The following RANBP2 variants were observed in gnomAD, a reference collection of about 807,000 sequenced individuals.
RANBP2 encodes RAN binding protein 2, also known as E3 SUMO-protein ligase RanBP2.
A neutral mutation model predicts 303.6 loss-of-function variants in RANBP2; 57 were observed. The ratio of observed to expected loss-of-function variants is 0.19; its 90% CI spans 0.15 to 0.23. The LOEUF (loss-of-function observed/expected upper bound fraction) is 0.23. Among genes scored for constraint, RANBP2 ranks in the 10% least tolerant of loss-of-function variants. RANBP2 has a pLI of 1.00. For synonymous variants in RANBP2, 1,167 were observed against 1,301.5 expected (o/e 0.90, Z 2.23); for missense variants, 3,138 against 3,780.8 (o/e 0.83, Z 4.46).
At chr2:109,354,157 C>T in the RANBP2 span, among the ~76,000 whole-genome samples, 7 of 151,776 alleles carry the variant, frequency 4.6e-5, no homozygotes, top group African/African-American at 1.7e-4. Context: ...TGAACTATTC[C>T]CTTTTTAATT....
In RANBP2 at chr2:108,765,298, G is replaced by T. The variant is rs1269623008; in HGVS notation, c.4759G>T (p.Gly1587Cys). The T allele has an allele frequency of 1.2e-6, 2 of 1,614,036 alleles. No individual in the cohort carries two copies. The highest frequency in any genetic ancestry group is 3.3e-5 in the Admixed American group (2 of 60,012). ...SVPAPASFKF[G>C]TSETSKAPKS... ...TCCAGCTCCTGCCTCTTTTAAGTTT[G>T]GTACTTCAGAGACAAGCAAGGCTCC... Residue 1587 changes from glycine to cysteine, a missense_variant, in exon 20 of 29, where the codon GGT becomes TGT. Gly to Cys is a radical substitution (Grantham distance 159, BLOSUM62 -3). Coordinates refer to ENST00000283195, the MANE Select transcript of RANBP2 (RefSeq NM_006267.5).
chr2:108,748,849 A>T, intron 8 of RANBP2, 71 bp from the exon 9 acceptor site: 1 of 1,611,618 alleles, frequency 6.2e-7, no homozygotes, highest in Non-Finnish European at 8.5e-7. Context: ...TTGGGTATAC[A>T]AATGAGACAA....
chr2:109,433,873 TC>T, the RANBP2 span, among the ~76,000 whole-genome samples: 1 of 152,190 alleles, frequency 6.6e-6, no homozygotes, highest in Admixed American at 6.5e-5. Context: ...CAGAGGGGCT[TC>T]AGGAAATGCA....
chr2:109,710,506 TAC>T, the RANBP2 span, among the ~76,000 whole-genome samples: 1 of 152,282 alleles, frequency 6.6e-6, no homozygotes, highest in Admixed American at 6.5e-5. Flanking sequence ...CTCAAAAGTA[TAC>T]CTGGGCCAAG....
the RANBP2 span, among the ~76,000 whole-genome samples, chr2:109,525,770 T>C: frequency 6.6e-6 from 1 of 152,170 alleles, no homozygotes; most frequent in South Asian, 2.1e-4. Flanking sequence ...CCCTAAATCA[T>C]TGATGCGTTT....
the RANBP2 span, among the ~76,000 whole-genome samples, chr2:109,524,444 CAA>C: frequency 8.5e-3 from 717 of 84,406 alleles, 4 homozygotes; most frequent in South Asian, 0.013. Context: ...GACCCTGTCT[CAA>C]AAAAAAAAAA....
chr2:109,166,598 AC>A, the RANBP2 span, among the ~76,000 whole-genome samples: 4 of 152,230 alleles, frequency 2.6e-5, no homozygotes, highest in Non-Finnish European at 5.9e-5. Flanking sequence ...GAAAAAATTT[AC>A]AGAAAATATT....
At chr2:109,119,733 T>A in the RANBP2 span, among the ~76,000 whole-genome samples, 2 of 152,346 alleles carry the variant, frequency 1.3e-5, no homozygotes, top group East Asian at 3.9e-4. Context: ...ATAATTCTTT[T>A]GAAGACTGCA....
chr2:108,739,263 T>G (rs2912853), intron 6 of RANBP2, among the ~76,000 whole-genome samples: 14 of 152,008 alleles, frequency 9.2e-5, no homozygotes, highest in African/African-American at 3.4e-4. Flanking sequence ...ATTAGCCGGG[T>G]ATGTTGGCAC....
chr2:109,649,570 G>A, the RANBP2 span, among the ~76,000 whole-genome samples: 1 of 151,950 alleles, frequency 6.6e-6, no homozygotes, highest in East Asian at 1.9e-4. Context: ...GCTAATTTTT[G>A]TATTTTTAGT....
At chr2:109,144,349 C>T in the RANBP2 span, among the ~76,000 whole-genome samples, 1 of 152,142 alleles carries the variant, frequency 6.6e-6, no homozygotes, top group Non-Finnish European at 1.5e-5. Flanking sequence ...ATAAATTTAA[C>T]ATGATAATGA....
chr2:109,519,623 C>G, the RANBP2 span, among the ~76,000 whole-genome samples: 1 of 152,168 alleles, frequency 6.6e-6, no homozygotes, highest in African/African-American at 2.4e-5. Context: ...TGTTTACACC[C>G]TTTTAAAAGA....
the RANBP2 span, chr2:109,732,925 A>G: frequency 1.4e-6 from 1 of 736,716 alleles, no homozygotes; most frequent in Non-Finnish European, 2.4e-6. Context: ...GCCCCTGTGT[A>G]GGAGAGGAAC....
the RANBP2 span, among the ~76,000 whole-genome samples, chr2:109,430,075 G>C: frequency 6.6e-6 from 1 of 152,208 alleles, no homozygotes; most frequent in Non-Finnish European, 1.5e-5. Context: ...AGCAGCTAGG[G>C]CGTGTTCTGA....
In RANBP2 at chr2:108,771,683, T is replaced by C; in HGVS notation, c.7850-18T>C. ...CTTAATACCTTATCTTTGTCAATTT[T>C]TTTGACTGGTGTTACAGCAAAAGAG... On this transcript the variant is annotated intron_variant, in intron 20 of 28. Coordinates refer to ENST00000283195, the MANE Select transcript of RANBP2 (RefSeq NM_006267.5). 6.2e-7 allele frequency: 1 copy of C among 1,610,322 alleles called. No individual in the cohort carries two copies.
chr2:109,658,824 T>A, the RANBP2 span, among the ~76,000 whole-genome samples: 1 of 152,092 alleles, frequency 6.6e-6, no homozygotes, highest in Non-Finnish European at 1.5e-5. Flanking sequence ...CCCAGCACTT[T>A]GGGAGGCCAA....
the RANBP2 span, among the ~76,000 whole-genome samples, chr2:109,369,318 C>T: frequency 2.0e-5 from 3 of 152,026 alleles, no homozygotes; most frequent in Non-Finnish European, 4.4e-5. Flanking sequence ...CATTGCACTC[C>T]AGTCTGGCGA....
chr2:108,965,401 A>C, the RANBP2 span, among the ~76,000 whole-genome samples: 1 of 151,058 alleles, frequency 6.6e-6, no homozygotes, highest in Non-Finnish European at 1.5e-5. Context: ...GAATGGCATG[A>C]ACCCGGGAGG....
At chr2:109,652,469 C>T in the RANBP2 span, among the ~76,000 whole-genome samples, 5 of 152,170 alleles carry the variant, frequency 3.3e-5, no homozygotes, top group Admixed American at 2.0e-4. Context: ...TCGTGATCCG[C>T]CCACCTCGGC....
Sources: gnomAD v4.1 joint callset for allele counts (sites outside exome capture counted in the v4.1 genomes callset) on GRCh38, gnomAD v4.1.1 for gene constraint, MANE v1.5 for transcripts, NCBI Gene and HGNC (gene_info 2026-07-23, HGNC 2026-07-21) for gene names.